Variants in AHSA1 observed in about 807,000 individuals in gnomAD.
The protein encoded by AHSA1 is activator of HSP90 ATPase activity 1.
A neutral mutation model predicts 46.1 loss-of-function variants in AHSA1; 14 were observed. The ratio of observed to expected loss-of-function variants is 0.30; its 90% CI spans 0.20 to 0.47. AHSA1 has a LOEUF of 0.47. AHSA1 is among the 20% of genes least tolerant of loss of function. The pLI is 0.99. For synonymous variants in AHSA1, 147 were observed against 145.8 expected, an observed-to-expected ratio of 1.01 and a Z score of -0.06; for missense variants, 333 against 415.9, an observed-to-expected ratio of 0.80 and a Z score of 1.73.
intron 1 of AHSA1, 70 bp from the exon 2 acceptor site, chr14:77,459,546 G>C (rs1424818114): frequency 6.6e-7 from 1 of 1,514,550 alleles, no homozygotes; most frequent in Non-Finnish European, 9.1e-7. Flanking sequence ...CTTTAACCTC[G>C]TATTCTCTTG....
chr14:77,468,569 T>TC (rs2079058460), intron 8 of AHSA1, 61 bp downstream of exon 8: 1 of 1,483,968 alleles, frequency 6.7e-7, no homozygotes, highest in East Asian at 2.3e-5. Context: ...GTAATTTTTT[T>TC]TTTTTTTTTT....
At chr14:77,468,738 TTTTTTTTAC>T in intron 8 of AHSA1, 1 of 473,498 alleles carries the variant, frequency 2.1e-6, no homozygotes. Context: ...TTTTTTTTTT[TTTTTTTTAC>T]TTTTTTACTT....
In AHSA1 at chr14:77,469,304, A is replaced by G. The variant is rs2079063576; in HGVS notation, c.*55A>G. ...GACACTTCAGTCCAGCTCTCTCCTGACTGGGGCTTGCGACTCACAGGATTG... is the reference window on the plus strand; with the variant it reads ...GACACTTCAGTCCAGCTCTCTCCTGGCTGGGGCTTGCGACTCACAGGATTG... On this transcript the variant is annotated 3_prime_UTR_variant, in exon 9 of 9. Coordinates refer to ENST00000216479, the MANE Select transcript of AHSA1 (RefSeq NM_012111.3). 6.3e-7 allele frequency: 1 copy of G among 1,582,592 alleles called. No individual in the cohort carries two copies. Among genetic ancestry groups the G allele is most frequent in the Admixed American group, 1.8e-5 (1 of 56,266 alleles).
At chr14:77,458,024 G>A, upstream of AHSA1, 1 of 565,692 alleles carries the variant, frequency 1.8e-6, no homozygotes, top group South Asian at 2.4e-5. Context: ...GGAGTGGGGA[G>A]GAGCCGGAAG....
At position 77,469,298 on chromosome 14, in the gene AHSA1, CT is replaced by C; in HGVS notation, c.*50del. 1.3e-6 allele frequency: 2 copies of C among 1,591,388 alleles called. No homozygotes were observed. Among genetic ancestry groups the C allele is most frequent in the Non-Finnish European group, 1.7e-6 (2 of 1,166,712 alleles). On this transcript the variant is annotated 3_prime_UTR_variant, in exon 9 of 9. Coordinates refer to ENST00000216479, the MANE Select transcript of AHSA1 (RefSeq NM_012111.3). ...CTGCTGGACACTTCAGTCCAGCTCT[CT>C]CCTGACTGGGGCTTGCGACTCACAG...
In AHSA1 at chr14:77,460,881, C is replaced by T. The variant is rs183830468; in HGVS notation, c.271+1075C>T. On this transcript the variant is annotated intron_variant, in intron 2 of 8. Coordinates refer to ENST00000216479, the MANE Select transcript of AHSA1 (RefSeq NM_012111.3). ...TGGTAAGAAATAGATAAATATAGGC[C>T]GGGCGTGGTGGCTAACGCCTGTAAT... Among the ~76,000 whole-genome samples, 34 of 152,002 alleles carry T rather than the reference C, an allele frequency of 2.2e-4. No individual in the cohort carries two copies. The South Asian group carries it at 3.3e-3, about 15-fold the overall frequency.
intron 1 of AHSA1, 91 bp from the exon 2 acceptor site, chr14:77,459,525 T>C (rs1275245944): frequency 3.8e-6 from 5 of 1,319,894 alleles, no homozygotes; most frequent in Non-Finnish European, 5.4e-6. Context: ...TCAAACTATT[T>C]GTCAGGCCTC....
chr14:77,462,884 A>G, intron 4 of AHSA1, 125 bp downstream of exon 4: 1 of 776,156 alleles, frequency 1.3e-6, no homozygotes, highest in East Asian at 2.5e-5. Flanking sequence ...GGCTTATTTC[A>G]TCTTAAAGTC....
rs1310102142 is a variant in AHSA1 at position 77,458,173 on chromosome 14, C to T, written c.-17C>T. 6.6e-7 allele frequency: 1 copy of T among 1,516,678 alleles called. No individual in the cohort carries two copies. Among genetic ancestry groups the T allele is most frequent in the East Asian group, 2.7e-5 (1 of 37,564 alleles). The allele number at this position is 1,516,678 out of a possible 1,614,324, so 94.0% of individuals were successfully genotyped here. A position where few individuals can be genotyped will look rare whatever the true frequency, so the allele number is the denominator to read the frequency against. On this transcript the variant is annotated 5_prime_UTR_variant, in exon 1 of 9. Transcript: ENST00000216479. ...TACGGCTGCTCCGGAGCTGGTGGCG[C>T]CGCGATAGGAGAGCCGATGGCCAAG...
Position 77,468,507 on chromosome 14 carries a change from G to A in AHSA1, c.843G>A (p.Glu281=), listed in dbSNP as rs1365873286. The part of the protein sequence containing the change: ...VMKWRFKSWP[E]GHFATITLTF... ...AGTGGAGGTTTAAATCTTGGCCAGA[G>A]GGTAAGTAAACATATTTATTGCCAT... Residue 281 remains glutamate (E), a splice_region_variant and synonymous_variant, in exon 8 of 9, where the codon GAG becomes GAA. Coordinates refer to ENST00000216479, the MANE Select transcript of AHSA1 (RefSeq NM_012111.3). 6.2e-7 allele frequency: 1 copy of A among 1,612,138 alleles called. No individual in the cohort carries two copies. The highest frequency in any genetic ancestry group is 1.7e-5 in the Admixed American group (1 of 59,892).
intron 6 of AHSA1, 81 bp downstream of exon 6, chr14:77,465,748 G>A: frequency 1.4e-6 from 2 of 1,448,646 alleles, no homozygotes; most frequent in Non-Finnish European, 1.9e-6. Context: ...CTTCAGCAGT[G>A]TACAGAAGAG....
chr14:77,465,827 CTT>C (rs370588910), intron 6 of AHSA1, among the ~76,000 whole-genome samples, 160 bp downstream of exon 6: 4 of 145,936 alleles, frequency 2.7e-5, no homozygotes, highest in Non-Finnish European at 1.5e-5. Context: ...CCTCTATTCT[CTT>C]TTTTTTTTTT....
intron 4 of AHSA1, among the ~76,000 whole-genome samples, chr14:77,463,714 G>C (rs1348310241): frequency 6.6e-6 from 1 of 152,066 alleles, no homozygotes; most frequent in Non-Finnish European, 1.5e-5. Context: ...TCTTTGATAT[G>C]CACTCTCCAG....
chr14:77,467,254 C>A (rs1233230584), intron 6 of AHSA1, among the ~76,000 whole-genome samples: 1 of 151,642 alleles, frequency 6.6e-6, no homozygotes, highest in African/African-American at 2.4e-5. Flanking sequence ...CAAAAATTAG[C>A]CAGGTATGGT....
Position 77,465,539 on chromosome 14 carries a change from G to C in AHSA1, c.562G>C (p.Ala188Pro), listed in dbSNP as rs1190073142. Residue 188 changes from alanine (A) to proline (P), a missense_variant and splice_region_variant, in exon 6 of 9, where the codon GCT becomes CCT. Coordinates refer to ENST00000216479, the MANE Select transcript of AHSA1 (RefSeq NM_012111.3). Reference protein sequence around the residue: ...QPALKTEERKAKPAPSKTQAR... With the variant: ...QPALKTEERKPKPAPSKTQAR... ...ATCATTTTCACTGCCACCTTCACAGGCTAAGCCTGCTCCTTCAAAAACCCA... is the reference window on the plus strand; with the variant it reads ...ATCATTTTCACTGCCACCTTCACAGCCTAAGCCTGCTCCTTCAAAAACCCA... 6.2e-7 allele frequency: 1 copy of C among 1,613,614 alleles called. No homozygotes were observed. Among genetic ancestry groups the C allele is most frequent in the East Asian group, 2.2e-5 (1 of 44,892 alleles).
intron 3 of AHSA1, 141 bp from the exon 4 acceptor site, chr14:77,462,501 C>CT (rs779652774): frequency 2.3e-5 from 19 of 836,574 alleles, no homozygotes; most frequent in Non-Finnish European, 3.6e-5. Context: ...AGAAGGAACA[C>CT]TAATGGGGAT....
chr14:77,458,097 G>T lies in AHSA1; in HGVS notation c.-93G>T, dbSNP rs1290962399. ...GAGGTGCTTGCGGCCGCTTCTAGTA[G>T]TTTCCAGGCGCTGCCGGGCGGCTGG... On this transcript the variant is annotated 5_prime_UTR_variant, in exon 1 of 9. Coordinates refer to ENST00000216479, the MANE Select transcript of AHSA1 (RefSeq NM_012111.3). The T allele has an allele frequency of 2.5e-6, 3 of 1,206,030 alleles. No homozygotes were observed. Among genetic ancestry groups the T allele is most frequent in the Admixed American group, 3.6e-5 (1 of 27,498 alleles). The allele number at this position is 1,206,030 out of a possible 1,614,324, so 74.7% of individuals were successfully genotyped here.
chr14:77,459,776 T>C lies in AHSA1; in HGVS notation c.241T>C (p.Tyr81His). The C allele has an allele frequency of 6.2e-7, 1 of 1,614,214 alleles. No individual in the cohort carries two copies. The highest frequency in any genetic ancestry group is 1.1e-5 in the South Asian group (1 of 91,086). The change falls in exon 2 of 9, where the codon TAT (tyrosine) becomes CAT (histidine). Residue 81 changes from tyrosine to histidine, a missense_variant. Transcript: ENST00000216479. ...NNRKGKLIFF[Y>H]EWSVKLNWTG... Reference sequence around the variant, plus strand: ...TCGCAAAGGGAAACTTATCTTCTTTTATGAATGGAGCGTCAAACTAAACTG... The same window carrying C: ...TCGCAAAGGGAAACTTATCTTCTTTCATGAATGGAGCGTCAAACTAAACTG...
At chr14:77,467,650 C>T (rs148999114) in intron 6 of AHSA1, among the ~76,000 whole-genome samples, 2,346 of 151,348 alleles carry the variant, frequency 0.016, 57 homozygotes, top group African/African-American at 0.054. Flanking sequence ...GCCGAGATCG[C>T]GCCACTGCAC....
Sources: allele counts gnomAD v4.1 joint callset (sites outside exome capture counted in the v4.1 genomes callset), GRCh38; gene constraint gnomAD v4.1.1; transcripts MANE v1.5; gene names NCBI Gene and HGNC (gene_info 2026-07-23, HGNC 2026-07-21).